Variants in PRRC2C observed in about 807,000 individuals in gnomAD.
PRRC2C encodes proline rich coiled-coil 2C.
In PRRC2C, 72 loss-of-function variants were observed where a neutral mutation model predicts 317.2. That is an observed-to-expected ratio of 0.23 (90% CI 0.19 to 0.28). PRRC2C has a LOEUF of 0.28. PRRC2C is among the 10% of genes least tolerant of loss of function. The pLI is 1.00. For synonymous variants in PRRC2C, 1,296 were observed against 1,205.9 expected (o/e 1.07, Z -1.55); for missense variants, 3,074 against 3,459.7 (o/e 0.89, Z 2.80).
intron 26 of PRRC2C, among the ~76,000 whole-genome samples, 200 bp from the exon 27 acceptor site, chr1:171,579,154 A>C (rs1157189341): frequency 1.3e-5 from 2 of 152,052 alleles, no homozygotes; most frequent in Non-Finnish European, 2.9e-5. Flanking sequence ...AGTACTAGTT[A>C]TGTTTGTGTG....
chr1:171,589,246 C>A lies in PRRC2C; in HGVS notation c.8200-123C>A. 2 of 425,524 alleles carry A rather than the reference C, an allele frequency of 4.7e-6. 1 individual carries two copies. Among genetic ancestry groups the A allele is most frequent in the South Asian group, 4.1e-5 (2 of 48,244 alleles). The allele number at this position is 425,524 out of a possible 1,614,324, so 26.4% of individuals were successfully genotyped here. On this transcript the variant is annotated intron_variant, in intron 33 of 34. Coordinates refer to ENST00000647382, the MANE Select transcript of PRRC2C (RefSeq NM_001387844.1). ...ATGGAATGGCACAATCTGTACACTT[C>A]CTTTCACTGGTAGGATGGGCACAGA...
rs1209621899 is a variant in PRRC2C, at chr1:171,540,923, C to G, written c.3457C>G (p.Pro1153Ala). ...CAGCAAAGACCTTGTTATAGAGAGG[C>G]CTCGACCAGATTCAAGACCAGCAGT... Reference protein sequence around the residue: ...VISKDLVIERPRPDSRPAVKK... With the variant: ...VISKDLVIERARPDSRPAVKK... Residue 1153 changes from proline (P) to alanine (A), a missense_variant, in exon 16 of 35, where the codon CCT becomes GCT. This residue lies in a region of PRRC2C where 1,320 missense variants were observed against 1,395.7 expected (regional missense o/e 0.95). Coordinates refer to ENST00000647382, the MANE Select transcript of PRRC2C (RefSeq NM_001387844.1). 3 of 1,613,756 alleles carry G rather than the reference C, an allele frequency of 1.9e-6. No individual in the cohort carries two copies. Among genetic ancestry groups the G allele is most frequent in the African/African-American group, 1.3e-5 (1 of 75,010 alleles).
At chr1:171,536,773 A>G (rs1676920739) in intron 14 of PRRC2C, among the ~76,000 whole-genome samples, 1 of 152,220 alleles carries the variant, frequency 6.6e-6, no homozygotes, top group South Asian at 2.1e-4. Context: ...TTTAGGGATG[A>G]TAAGCTGATC....
In PRRC2C at chr1:171,558,127, T is replaced by A. The variant is rs751612489; in HGVS notation, c.6015T>A (p.Asn2005Lys). Residue 2005 changes from asparagine to lysine, a missense_variant, in exon 19 of 35, where the codon AAT becomes AAA. By Grantham distance (94) the Asn-to-Lys change is moderately conservative (BLOSUM62 0). This residue lies in a region of PRRC2C where 640 missense variants were observed against 676.1 expected (regional missense o/e 0.95). Coordinates refer to ENST00000647382, the MANE Select transcript of PRRC2C (RefSeq NM_001387844.1). ...DNKVAPPAVLNDISKKLGPIS... is the reference protein window; with the variant it reads ...DNKVAPPAVLKDISKKLGPIS... ...AGGTGGCCCCACCAGCTGTGCTGAA[T>A]GATATCTCTAAGAAATGTAAGTTGC... 3 of 1,611,936 alleles carry A rather than the reference T, an allele frequency of 1.9e-6. No homozygotes were observed. The highest frequency in any genetic ancestry group is 4.5e-5 in the East Asian group (2 of 44,866).
intron 5 of PRRC2C, among the ~76,000 whole-genome samples, 156 bp downstream of exon 5, chr1:171,516,015 G>A (rs749063944): frequency 1.3e-5 from 2 of 152,136 alleles, no homozygotes; most frequent in African/African-American, 2.4e-5. Flanking sequence ...TTTTTGCACC[G>A]ACAGTATCAC....
At chr1:171,538,049 C>T (rs1322616004) in intron 15 of PRRC2C, among the ~76,000 whole-genome samples, 3 of 152,072 alleles carry the variant, frequency 2.0e-5, no homozygotes, top group East Asian at 3.8e-4. Context: ...TACAGGCACC[C>T]GCCACCACGC....
intron 1 of PRRC2C, among the ~76,000 whole-genome samples, chr1:171,490,685 A>G (rs1351737515): frequency 2.0e-5 from 3 of 152,242 alleles, no homozygotes; most frequent in Non-Finnish European, 4.4e-5. Context: ...AGCTAAATGT[A>G]GCAGAGTTCA....
At chr1:171,532,153 T>C (rs1676009294) in intron 11 of PRRC2C, among the ~76,000 whole-genome samples, 190 bp from the exon 12 acceptor site, 1 of 152,206 alleles carries the variant, frequency 6.6e-6, no homozygotes. Flanking sequence ...CTGGATTAAT[T>C]ATTCTGGTCT....
chr1:171,572,108 T>C (rs1406659735), intron 24 of PRRC2C, among the ~76,000 whole-genome samples: 1 of 152,076 alleles, frequency 6.6e-6, no homozygotes, highest in Admixed American at 6.5e-5. Flanking sequence ...GTCAGTAGTT[T>C]AAAAAAGTGC....
intron 1 of PRRC2C, among the ~76,000 whole-genome samples, chr1:171,507,473 T>A (rs1171197359): frequency 6.6e-6 from 1 of 152,008 alleles, no homozygotes; most frequent in Non-Finnish European, 1.5e-5. Context: ...TAGCCGGGCA[T>A]GGTGGCAGAC....
intron 14 of PRRC2C, 55 bp from the exon 15 acceptor site, chr1:171,537,208 G>A (rs1414246281): frequency 2.2e-6 from 3 of 1,347,548 alleles, no homozygotes; most frequent in Non-Finnish European, 3.1e-6. Context: ...TCATGGTTTT[G>A]TTTCGTTCAT....
chr1:171,492,182 A>C (rs1667273746), intron 1 of PRRC2C, among the ~76,000 whole-genome samples: 1 of 152,218 alleles, frequency 6.6e-6, no homozygotes, highest in Non-Finnish European at 1.5e-5. Context: ...GAATGTAGAA[A>C]GATAAAACAT....
At position 171,566,365 on chromosome 1, in the gene PRRC2C, G is replaced by A; in HGVS notation, c.6250G>A (p.Glu2084Lys). The stretch of plus-strand genomic sequence containing the variant: ...GGAAAAATCTGCTGACAAAATACCT[G>A]AACCTAAAGAACAGCGGCAGAAGCA... ...LSEKSADKIPEPKEQRQKQPR... is the reference protein window; with the variant it reads ...LSEKSADKIPKPKEQRQKQPR... Residue 2084 changes from glutamate to lysine, a missense_variant, in exon 21 of 35, where the codon GAA becomes AAA. Glu to Lys is a moderately conservative substitution (Grantham distance 56). Around this residue, in one of 11 missense-constraint regions of PRRC2C, gnomAD observed 640 missense variants for 676.1 expected, o/e 0.95. Coordinates refer to ENST00000647382, the MANE Select transcript of PRRC2C (RefSeq NM_001387844.1). 1 of 1,594,524 alleles carries A rather than the reference G, an allele frequency of 6.3e-7. No homozygotes were observed. Among genetic ancestry groups the A allele is most frequent in the Non-Finnish European group, 8.5e-7 (1 of 1,170,318 alleles).
At chr1:171,516,459 A>G (rs987162417) in intron 5 of PRRC2C, among the ~76,000 whole-genome samples, 2 of 152,132 alleles carry the variant, frequency 1.3e-5, no homozygotes, top group Non-Finnish European at 2.9e-5. Flanking sequence ...TAAAAACCTG[A>G]TGTATTTCAC....
At position 171,542,120 on chromosome 1, in the gene PRRC2C, G is replaced by T; in HGVS notation, c.4654G>T (p.Asp1552Tyr). 1 of 1,613,698 alleles carries T rather than the reference G, an allele frequency of 6.2e-7. No individual in the cohort carries two copies. The highest frequency in any genetic ancestry group is 1.1e-5 in the South Asian group (1 of 90,990). ...KRSFSSQRPVDRQNRRGNNGP... is the reference protein window; with the variant it reads ...KRSFSSQRPVYRQNRRGNNGP... ...AAGTTTTTCTAGTCAGAGACCAGTA[G>T]ATCGTCAGAATCGACGTGGCAACAA... Residue 1552 changes from aspartate (D) to tyrosine (Y), a missense_variant, in exon 16 of 35, where the codon GAT becomes TAT. Physicochemically the swap from Asp to Tyr is radical, Grantham distance 160. Coordinates refer to ENST00000647382, the MANE Select transcript of PRRC2C (RefSeq NM_001387844.1).
chr1:171,514,465 A>G, intron 3 of PRRC2C, 71 bp from the exon 4 acceptor site: 2 of 1,223,960 alleles, frequency 1.6e-6, no homozygotes, highest in Non-Finnish European at 2.3e-6. Flanking sequence ...ACACAGGTTT[A>G]CCTTAAATAT....
intron 11 of PRRC2C, among the ~76,000 whole-genome samples, chr1:171,530,621 T>G (rs1675659244): frequency 6.7e-6 from 1 of 148,966 alleles, no homozygotes; most frequent in African/African-American, 2.4e-5. Context: ...CTTGAACATT[T>G]GTTTCTCAAA....
rs187864381 is a variant in PRRC2C at position 171,540,437 on chromosome 1, T to G, written c.2971T>G (p.Ser991Ala). 5 of 1,612,540 alleles carry G rather than the reference T, an allele frequency of 3.1e-6. No individual in the cohort carries two copies. In the Admixed American group the frequency reaches 8.4e-5, roughly 27 times the overall value. ...ACCTGAAAAAGTATATAAATCTAAA[T>G]CAGAAACTCGTTGGGGCCCACGACC... is the stretch of plus-strand genomic sequence containing the variant. Reference protein sequence around the residue: ...PKPEKVYKSKSETRWGPRPSS... With the variant: ...PKPEKVYKSKAETRWGPRPSS... Residue 991 changes from serine (S) to alanine (A), a missense_variant, in exon 16 of 35, where the codon TCA becomes GCA. Ser to Ala is a moderately conservative substitution (Grantham distance 99, BLOSUM62 1). Around this residue, in one of 11 missense-constraint regions of PRRC2C, gnomAD observed 1,320 missense variants for 1,395.7 expected, o/e 0.95. Transcript: ENST00000647382.
chr1:171,568,812 G>A (rs777418948), intron 23 of PRRC2C, among the ~76,000 whole-genome samples: 3 of 151,406 alleles, frequency 2.0e-5, no homozygotes, highest in Middle Eastern at 3.2e-3. Context: ...ATACCAGCGT[G>A]TTAACAACAT....
Sources: gnomAD v4.1 joint callset for allele counts (sites outside exome capture counted in the v4.1 genomes callset) on GRCh38, gnomAD v4.1.1 for gene constraint, gnomAD v4.1.1 regional missense constraint, MANE v1.5 for transcripts, NCBI Gene and HGNC (gene_info 2026-07-23, HGNC 2026-07-21) for gene names.